MOV10L1: variants seen among roughly 807,000 people sequenced by gnomAD.
MOV10L1 encodes the protein RNA helicase Mov10l1.
MOV10L1 carries 110 observed loss-of-function variants against 143.8 expected under a neutral mutation model. The observed-to-expected ratio is 0.76, with a 90% CI of 0.66 to 0.90. MOV10L1 has a LOEUF of 0.90. Ranked by LOEUF, MOV10L1 falls within the 40% of genes least tolerant of loss-of-function variation. The pLI is 0.00. For missense variants in MOV10L1, 1,406 were observed against 1,526.8 expected, an observed-to-expected ratio of 0.92 and a Z score of 1.32; for synonymous variants, 593 against 581.1, an observed-to-expected ratio of 1.02 and a Z score of -0.29.
chr22:50,102,063 A>G (rs1001782446), intron 3 of MOV10L1, among the ~76,000 whole-genome samples: 1 of 152,180 alleles, frequency 6.6e-6, no homozygotes, highest in African/African-American at 2.4e-5. Flanking sequence ...GTGTCCCCTG[A>G]GTAATAAAGA....
chr22:50,150,839 A>G lies in MOV10L1; in HGVS notation c.2832A>G (p.Arg944=). ...NVSFLERLMS[R]PAYQRDENAF... Reference sequence around the variant, plus strand: ...CCTTTTTGGAACGGCTGATGTCTCGACCCGCGTACCAGAGGGACGAAAATG... The same window carrying G: ...CCTTTTTGGAACGGCTGATGTCTCGGCCCGCGTACCAGAGGGACGAAAATG... The change falls in exon 21 of 27, where the codon CGA becomes CGG. Residue 944 remains arginine, a synonymous_variant. Coordinates refer to ENST00000262794, the MANE Select transcript of MOV10L1 (RefSeq NM_018995.3). 1 of 1,614,138 alleles carries G rather than the reference A, an allele frequency of 6.2e-7. No individual in the cohort carries two copies.
At chr22:50,153,706 C>T (rs538924789) in intron 22 of MOV10L1, among the ~76,000 whole-genome samples, 1 of 152,344 alleles carries the variant, frequency 6.6e-6, no homozygotes, top group African/African-American at 2.4e-5. Flanking sequence ...GCCACCACCC[C>T]CTCTCCAAGG....
At chr22:50,097,801 G>A (rs538745989) in intron 2 of MOV10L1, among the ~76,000 whole-genome samples, 33 of 152,154 alleles carry the variant, frequency 2.2e-4, no homozygotes, top group African/African-American at 7.2e-4. Flanking sequence ...AGACCCATAG[G>A]ACTTTGATAG....
intron 2 of MOV10L1, chr22:50,093,240 A>G (rs1404370876): frequency 6.6e-6 from 1 of 152,118 alleles, no homozygotes; most frequent in Non-Finnish European, 1.5e-5. Flanking sequence ...TCCTTTGTCC[A>G]CATTTTTGTT....
intron 1 of MOV10L1, chr22:50,091,194 C>G (rs2062430640): frequency 6.0e-6 from 1 of 167,668 alleles, no homozygotes. Context: ...TGGATCTCTT[C>G]GGTAGAACAC....
At chr22:50,144,507 C>T (rs2063081961) in intron 18 of MOV10L1, among the ~76,000 whole-genome samples, 1 of 152,180 alleles carries the variant, frequency 6.6e-6, no homozygotes, top group African/African-American at 2.4e-5. Flanking sequence ...TATCACATTC[C>T]TCTTTTATTT....
At chr22:50,103,314 A>G (rs998814606) in intron 3 of MOV10L1, among the ~76,000 whole-genome samples, 1 of 152,170 alleles carries the variant, frequency 6.6e-6, no homozygotes, top group Non-Finnish European at 1.5e-5. Flanking sequence ...GGAATTCTTA[A>G]CATCAGTGGT....
chr22:50,140,032 A>G (rs1009757182), intron 15 of MOV10L1, among the ~76,000 whole-genome samples: 3 of 152,228 alleles, frequency 2.0e-5, no homozygotes, highest in Non-Finnish European at 2.9e-5. Context: ...CCCATACACA[A>G]AGTTCACAGC....
chr22:50,116,054 G>A (rs1475914825), intron 8 of MOV10L1, among the ~76,000 whole-genome samples: 1 of 152,218 alleles, frequency 6.6e-6, no homozygotes, highest in Non-Finnish European at 1.5e-5. Context: ...CTGCCCGACA[G>A]TGCGTGATAG....
chr22:50,150,327 G>C (rs1324885413), intron 20 of MOV10L1, among the ~76,000 whole-genome samples: 1 of 152,192 alleles, frequency 6.6e-6, no homozygotes, highest in Non-Finnish European at 1.5e-5. Context: ...GACTGGTCCA[G>C]GCAGAGCAGC....
At chr22:50,149,522 CG>C in intron 19 of MOV10L1, 92 bp from the exon 20 acceptor site, 1 of 1,260,880 alleles carries the variant, frequency 7.9e-7, no homozygotes, top group Non-Finnish European at 1.1e-6. Context: ...GCTGTGCCCC[CG>C]GGGTGCTGAG....
At chr22:50,145,958 G>A (rs2063141862) in intron 19 of MOV10L1, 148 bp downstream of exon 19, 1 of 1,286,708 alleles carries the variant, frequency 7.8e-7, no homozygotes, top group South Asian at 1.4e-5. Context: ...TGGTTGGGGA[G>A]GGCCGTGCCT....
At chr22:50,117,716 A>G (rs1454077528) in intron 9 of MOV10L1, among the ~76,000 whole-genome samples, 1 of 152,138 alleles carries the variant, frequency 6.6e-6, no homozygotes, top group Non-Finnish European at 1.5e-5. Flanking sequence ...AGTGCACGGC[A>G]TCCCCGTGTC....
chr22:50,117,501 T>G, intron 9 of MOV10L1, 150 bp downstream of exon 9: 1 of 809,290 alleles, frequency 1.2e-6, no homozygotes, highest in Non-Finnish European at 1.9e-6. Flanking sequence ...CATGATTGTA[T>G]TTGGGGGATG....
chr22:50,112,208 C>T (rs574864031), intron 5 of MOV10L1, among the ~76,000 whole-genome samples: 208 of 152,332 alleles, frequency 1.4e-3, no homozygotes, highest in African/African-American at 4.5e-3. Context: ...TGCCTAGGGC[C>T]CATCCTGTGG....
At chr22:50,151,479 G>A (rs2063295420) in intron 21 of MOV10L1, among the ~76,000 whole-genome samples, 1 of 152,242 alleles carries the variant, frequency 6.6e-6, no homozygotes, top group Non-Finnish European at 1.5e-5. Context: ...CAGACTTTCA[G>A]GGAAAAGGAC....
intron 3 of MOV10L1, among the ~76,000 whole-genome samples, chr22:50,101,732 G>A (rs570558041): frequency 2.0e-5 from 3 of 151,906 alleles, no homozygotes; most frequent in Admixed American, 6.6e-5. Flanking sequence ...GGCTGGTCTC[G>A]AACTCTTGAC....
At chr22:50,137,294 G>A (rs927157703) in intron 15 of MOV10L1, among the ~76,000 whole-genome samples, 2 of 152,104 alleles carry the variant, frequency 1.3e-5, no homozygotes, top group Non-Finnish European at 2.9e-5. Context: ...GACATGAGCA[G>A]GTTAAGTGGA....
rs1481999101 is a variant in MOV10L1, at chr22:50,099,514, A to T, written c.354A>T (p.Arg118=). 1.2e-6 allele frequency: 2 copies of T among 1,614,102 alleles called. No individual in the cohort carries two copies. The highest frequency in any genetic ancestry group is 2.2e-5 in the South Asian group (2 of 91,076). ...GGAGTCCCTCAGACTGCGGCCCCCG[A>T]GTGTTGATTGGCTGTGTGACTTCCC... ...NHGSPSDCGP[R]VLIGCVTSLV... is the part of the protein sequence containing the mutation. The change falls in exon 3 of 27, where the codon CGA becomes CGT. Residue 118 remains arginine, a synonymous_variant. Transcript: ENST00000262794.
Sources: allele counts gnomAD v4.1 joint callset (sites outside exome capture counted in the v4.1 genomes callset), GRCh38; gene constraint gnomAD v4.1.1; transcripts MANE v1.5; gene names NCBI Gene and HGNC (gene_info 2026-07-23, HGNC 2026-07-21).